PTPRT: variants seen among roughly 807,000 people sequenced by gnomAD.
PTPRT encodes the protein protein tyrosine phosphatase receptor type T.
Under a neutral mutation model 176.8 loss-of-function variants are expected in PTPRT, and 56 were observed. That is an observed-to-expected ratio of 0.32 (90% CI 0.26 to 0.40). PTPRT has a LOEUF of 0.40. Among genes scored for constraint, PTPRT ranks in the 10% least tolerant of loss-of-function variants. The pLI, the probability that PTPRT is intolerant of heterozygous loss-of-function variation, is 1.00. For missense variants in PTPRT, 1,540 were observed against 1,908.2 expected, an observed-to-expected ratio of 0.81 and a Z score of 3.60; for synonymous variants, 783 against 739.0, an observed-to-expected ratio of 1.06 and a Z score of -0.96.
intron 16 of PTPRT, among the ~76,000 whole-genome samples, chr20:42,196,175 G>A (rs929869193): frequency 1.3e-5 from 2 of 152,178 alleles, no homozygotes; most frequent in Non-Finnish European, 1.5e-5. Context: ...TGCACAAGAG[G>A]CTGGACTGGA....
intron 3 of PTPRT, among the ~76,000 whole-genome samples, chr20:42,781,471 G>A (rs1370846001): frequency 1.3e-5 from 2 of 152,018 alleles, no homozygotes; most frequent in East Asian, 1.9e-4. Context: ...GAACATCAGC[G>A]CTCTTGACCC....
chr20:42,144,252 A>G (rs1278293097), intron 17 of PTPRT, among the ~76,000 whole-genome samples: 2 of 152,206 alleles, frequency 1.3e-5, no homozygotes, highest in Non-Finnish European at 2.9e-5. Flanking sequence ...GGTTAGAAAC[A>G]GGATTGGGGA....
At chr20:42,894,468 G>A (rs778126020) in intron 1 of PTPRT, among the ~76,000 whole-genome samples, 1 of 151,914 alleles carries the variant, frequency 6.6e-6, no homozygotes, top group Non-Finnish European at 1.5e-5. Context: ...CACCCCACGA[G>A]ATGGATATGA....
intron 1 of PTPRT, among the ~76,000 whole-genome samples, chr20:43,111,523 G>A (rs1177509568): frequency 7.2e-6 from 1 of 139,360 alleles, no homozygotes; most frequent in Non-Finnish European, 1.5e-5. Context: ...TAGCCTGGGG[G>A]ACAGAGCGAG....
rs560032660 is a variant in PTPRT at position 42,799,678 on chromosome 20, T to A, written c.215-8212A>T. Among the ~76,000 whole-genome samples, 3 of 152,336 alleles carry A rather than the reference T, an allele frequency of 2.0e-5. No individual in the cohort carries two copies. The South Asian group carries it at 6.2e-4, about 32-fold the overall frequency. ...GACAATTCATTTGGCAAAGTCCAGA[T>A]GAAACTGAAGGTCAGATAATGCTAC... is the stretch of plus-strand genomic sequence containing the variant. On this transcript the variant is annotated intron_variant, in intron 2 of 30. Transcript: ENST00000373187.
intron 7 of PTPRT, among the ~76,000 whole-genome samples, chr20:42,580,889 C>A (rs998031177): frequency 1.3e-5 from 2 of 152,076 alleles, no homozygotes; most frequent in Non-Finnish European, 2.9e-5. Flanking sequence ...AATTGAATAC[C>A]CTTTATTTCC....
At position 42,825,552 on chromosome 20, in the gene PTPRT, T is replaced by C. The variant is rs1208618430; in HGVS notation, c.215-34086A>G. On this transcript the variant is annotated intron_variant, in intron 2 of 30. Coordinates refer to ENST00000373187, the MANE Select transcript of PTPRT (RefSeq NM_007050.6). The stretch of plus-strand genomic sequence containing the variant: ...TTTAGCAAACGTATGAGCATATGCA[T>C]ACACATGTGTGTATATAAATAGTAA... 2.0e-5 allele frequency among the ~76,000 whole-genome samples: 3 copies of C among 152,182 alleles called. No homozygotes were observed. The East Asian group carries it at 5.8e-4, about 29-fold the overall frequency.
chr20:42,577,018 G>A (rs546787619), intron 7 of PTPRT, among the ~76,000 whole-genome samples: 38 of 152,164 alleles, frequency 2.5e-4, no homozygotes, highest in African/African-American at 8.9e-4. Flanking sequence ...ATGAGGGAGA[G>A]TAAAAATGAC....
intron 15 of PTPRT, among the ~76,000 whole-genome samples, chr20:42,203,350 C>A (rs925759262): frequency 5.3e-5 from 8 of 152,094 alleles, no homozygotes; most frequent in African/African-American, 1.9e-4. Context: ...AAAGAGAAAC[C>A]CAAATCTGTG....
chr20:42,243,699 T>C (rs747491858), intron 14 of PTPRT, among the ~76,000 whole-genome samples: 2 of 152,156 alleles, frequency 1.3e-5, no homozygotes, highest in Non-Finnish European at 2.9e-5. Flanking sequence ...CCTGTCAGTC[T>C]CCATGGACTG....
At chr20:42,394,013 TG>T (rs1475560760) in intron 9 of PTPRT, among the ~76,000 whole-genome samples, 1 of 150,930 alleles carries the variant, frequency 6.6e-6, no homozygotes, top group Admixed American at 6.6e-5. Context: ...AAGGTAAAAA[TG>T]CACAAAGTCT....
At chr20:42,256,217 C>A (rs978261353) in intron 13 of PTPRT, among the ~76,000 whole-genome samples, 6 of 152,122 alleles carry the variant, frequency 3.9e-5, no homozygotes, top group African/African-American at 1.4e-4. Context: ...CAGGTAAGCA[C>A]CATAAACCTT....
intron 1 of PTPRT, among the ~76,000 whole-genome samples, chr20:43,120,563 A>G (rs1458918633): frequency 1.3e-5 from 2 of 152,114 alleles, no homozygotes; most frequent in African/African-American, 2.4e-5. Flanking sequence ...GAGCCACCAC[A>G]CCCGGCCCAG....
chr20:42,489,446 C>G (rs138390345), intron 7 of PTPRT, among the ~76,000 whole-genome samples: 3 of 151,974 alleles, frequency 2.0e-5, no homozygotes. Flanking sequence ...ATTTCTGTTG[C>G]GGGTTAAGCC....
chr20:42,444,830 TA>T (rs2059348939), intron 9 of PTPRT, among the ~76,000 whole-genome samples: 1 of 152,224 alleles, frequency 6.6e-6, no homozygotes, highest in African/African-American at 2.4e-5. Context: ...ATTAAATTTG[TA>T]AATTGCCTCA....
chr20:42,665,355 C>T (rs1248366793), intron 7 of PTPRT, among the ~76,000 whole-genome samples: 1 of 152,214 alleles, frequency 6.6e-6, no homozygotes, highest in African/African-American at 2.4e-5. Flanking sequence ...CTCATCATCA[C>T]TGGCCATCAG....
Position 42,634,029 on chromosome 20 carries a change from AT to A in PTPRT, c.1153+43836del, listed in dbSNP as rs1322236463. ...TATATATAATATATATATAATATAT[AT>A]ATTATATATATTATATATATATTAT... On this transcript the variant is annotated intron_variant, in intron 7 of 30. Transcript: ENST00000373187. Among the ~76,000 whole-genome samples the A allele has an allele frequency of 1.5e-4, 4 of 27,188 alleles. 1 individual carries two copies. The highest frequency in any genetic ancestry group is 8.6e-4 in the African/African-American group (4 of 4,668). The allele number at this position is 27,188 out of a possible 152,430, so 17.8% of individuals were successfully genotyped here. A position where few individuals can be genotyped will look rare whatever the true frequency, so the allele number is the denominator to read the frequency against.
chr20:43,181,533 C>T (rs74684958), intron 1 of PTPRT, among the ~76,000 whole-genome samples: 6,487 of 152,258 alleles, frequency 0.043, 192 homozygotes, highest in Non-Finnish European at 0.066. Context: ...GTAATACTCA[C>T]TGAAACACAT....
At chr20:42,418,641 G>A (rs549085113) in intron 9 of PTPRT, among the ~76,000 whole-genome samples, 11 of 152,296 alleles carry the variant, frequency 7.2e-5, no homozygotes, top group African/African-American at 2.6e-4. Context: ...GAGCAGAACA[G>A]AGAGACGCAA....
Sources: allele counts gnomAD v4.1 joint callset (sites outside exome capture counted in the v4.1 genomes callset), GRCh38; gene constraint gnomAD v4.1.1; transcripts MANE v1.5; gene names NCBI Gene and HGNC (gene_info 2026-07-23, HGNC 2026-07-21).